Variants in OTUD7B observed in about 807,000 individuals in gnomAD.
OTUD7B encodes OTU deubiquitinase 7B.
In OTUD7B, 34 loss-of-function variants were observed where a neutral mutation model predicts 82.2. That is an observed-to-expected ratio of 0.41 (90% CI 0.31 to 0.55). The LOEUF (loss-of-function observed/expected upper bound fraction) is 0.55, where lower values mean the gene tolerates loss of function less well. Among genes scored for constraint, OTUD7B ranks in the 20% least tolerant of loss-of-function variants. The pLI is 0.20. For synonymous variants in OTUD7B, 398 were observed against 402.7 expected, an observed-to-expected ratio of 0.99 and a Z score of 0.14; for missense variants, 944 against 1,062.1, an observed-to-expected ratio of 0.89 and a Z score of 1.55.
At chr1:150,063,898 T>A in the OTUD7B span, among the ~76,000 whole-genome samples, 1 of 152,294 alleles carries the variant, frequency 6.6e-6, no homozygotes, top group African/African-American at 2.4e-5. Context: ...TTTCCTAAGT[T>A]TTTTCTTCAT....
At chr1:149,974,483 C>T (rs782290142) in intron 2 of OTUD7B, among the ~76,000 whole-genome samples, 8 of 151,344 alleles carry the variant, frequency 5.3e-5, no homozygotes, top group Non-Finnish European at 8.8e-5. Context: ...TTAAACTCCT[C>T]GTCATGGCCT....
rs988384600 is a variant in OTUD7B, at chr1:149,946,421, G to A, written c.1323+830C>T. On this transcript the variant is annotated intron_variant, in intron 11 of 11. Coordinates refer to ENST00000581312, the MANE Select transcript of OTUD7B (RefSeq NM_020205.4). ...CAGAGACTGGCTGGAGAGGAGATGT[G>A]GAAAACAGGAGACTAACGGTTTTTA... 3.9e-5 allele frequency among the ~76,000 whole-genome samples: 6 copies of A among 151,958 alleles called. No individual in the cohort carries two copies. In the East Asian group the frequency reaches 1.2e-3, roughly 29 times the overall value.
chr1:149,949,484 T>G (rs1571595653), intron 9 of OTUD7B, 145 bp downstream of exon 9: 1 of 815,314 alleles, frequency 1.2e-6, no homozygotes, highest in Non-Finnish European at 1.9e-6. Context: ...ATTTGAAAAC[T>G]CTGGCGTAAC....
the OTUD7B span, among the ~76,000 whole-genome samples, chr1:150,040,891 G>A: frequency 6.6e-6 from 1 of 151,798 alleles, no homozygotes; most frequent in Non-Finnish European, 1.5e-5. Context: ...TGTATTTTTA[G>A]TAGAGACAGG....
At chr1:150,026,860 G>GTC in the OTUD7B span, among the ~76,000 whole-genome samples, 1 of 152,144 alleles carries the variant, frequency 6.6e-6, no homozygotes, top group African/African-American at 2.4e-5. Context: ...AAACCAATAT[G>GTC]TCTCCGATTA....
the OTUD7B span, among the ~76,000 whole-genome samples, chr1:150,061,685 C>T: frequency 6.6e-6 from 1 of 152,258 alleles, no homozygotes; most frequent in Non-Finnish European, 1.5e-5. Flanking sequence ...TGCTTGGCTA[C>T]TCCTAGCCTA....
the OTUD7B span, among the ~76,000 whole-genome samples, chr1:150,027,122 T>C: frequency 6.6e-6 from 1 of 152,162 alleles, no homozygotes; most frequent in Non-Finnish European, 1.5e-5. Flanking sequence ...TCTGTTGTGT[T>C]GTATTGGGCT....
chr1:149,953,212 GTTAACT>G (rs1362606889), intron 7 of OTUD7B, among the ~76,000 whole-genome samples: 3 of 152,100 alleles, frequency 2.0e-5, no homozygotes, highest in African/African-American at 7.2e-5. Flanking sequence ...TCCATCTTGA[GTTAACT>G]TTTTTATAAG....
chr1:149,990,862 A>C (rs1254040640), intron 1 of OTUD7B, among the ~76,000 whole-genome samples: 2 of 152,086 alleles, frequency 1.3e-5, no homozygotes, highest in African/African-American at 4.8e-5. Flanking sequence ...ATGGTGGCAC[A>C]TGCTTGTAAT....
At chr1:150,055,864 C>T in the OTUD7B span, among the ~76,000 whole-genome samples, 1 of 152,048 alleles carries the variant, frequency 6.6e-6, no homozygotes. Flanking sequence ...AAGGAAACAA[C>T]AGACACTGGG....
At chr1:150,033,018 G>A in the OTUD7B span, among the ~76,000 whole-genome samples, 1 of 152,190 alleles carries the variant, frequency 6.6e-6, no homozygotes, top group Admixed American at 6.5e-5. Context: ...ACATGACTAG[G>A]ACATTCTGTA....
At chr1:150,009,523 G>A (rs1553786841) in intron 1 of OTUD7B, among the ~76,000 whole-genome samples, 1 of 152,198 alleles carries the variant, frequency 6.6e-6, no homozygotes, top group Non-Finnish European at 1.5e-5. Context: ...AAAAGTCAAC[G>A]TCCTGCTAAT....
chr1:150,040,535 T>C, the OTUD7B span, among the ~76,000 whole-genome samples: 1 of 152,220 alleles, frequency 6.6e-6, no homozygotes, highest in African/African-American at 2.4e-5. Context: ...CAAGTATTTC[T>C]TTCTGTGCCA....
chr1:149,996,729 T>C (rs1391496911), intron 1 of OTUD7B, among the ~76,000 whole-genome samples: 5 of 152,248 alleles, frequency 3.3e-5, no homozygotes, highest in Non-Finnish European at 5.9e-5. Context: ...TGAGGTGTTA[T>C]ATAAAATGTT....
At chr1:150,008,510 G>A (rs369907785) in intron 1 of OTUD7B, among the ~76,000 whole-genome samples, 3 of 152,254 alleles carry the variant, frequency 2.0e-5, no homozygotes, top group East Asian at 3.9e-4. Context: ...ACCAGTCACC[G>A]GGCCTTATAC....
At position 149,947,339 on chromosome 1, in the gene OTUD7B, T is replaced by C. The variant is rs1553772389; in HGVS notation, c.1239-4A>G. ...GACCTCTAGGGACAGAATTACACTA[T>C]GAAAAAGAGAAAAAACAAATTACTG... is the stretch of plus-strand genomic sequence containing the variant. On this transcript the variant is annotated splice_region_variant and splice_polypyrimidine_tract_variant and intron_variant, in intron 10 of 11. Coordinates refer to ENST00000581312, the MANE Select transcript of OTUD7B (RefSeq NM_020205.4). 4 of 1,576,554 alleles carry C rather than the reference T, an allele frequency of 2.5e-6. No individual in the cohort carries two copies. The highest frequency in any genetic ancestry group is 1.7e-6 in the Non-Finnish European group (2 of 1,147,202).
chr1:150,004,057 C>T (rs587615959), intron 1 of OTUD7B, among the ~76,000 whole-genome samples: 26 of 152,266 alleles, frequency 1.7e-4, no homozygotes, highest in African/African-American at 6.0e-4. Flanking sequence ...CATCACCCTT[C>T]TTCATCTCCC....
chr1:150,065,547 T>C, the OTUD7B span, among the ~76,000 whole-genome samples: 1 of 152,234 alleles, frequency 6.6e-6, no homozygotes, highest in Non-Finnish European at 1.5e-5. Flanking sequence ...ATATTTCTTG[T>C]TATTATAGTT....
upstream of OTUD7B, among the ~76,000 whole-genome samples, chr1:150,014,921 T>TAA (rs201723849): frequency 0.023 from 3,499 of 151,134 alleles, 100 homozygotes; most frequent in African/African-American, 0.07. Flanking sequence ...TTGCCTCAAT[T>TAA]AAAAAAAAAT....
Sources: gnomAD v4.1 joint callset for allele counts (sites outside exome capture counted in the v4.1 genomes callset) on GRCh38, gnomAD v4.1.1 for gene constraint, MANE v1.5 for transcripts, NCBI Gene and HGNC (gene_info 2026-07-23, HGNC 2026-07-21) for gene names.